The following RFESD variants were observed in gnomAD, a reference collection of about 807,000 sequenced individuals.
RFESD encodes Rieske Fe-S domain containing, also known as Rieske domain-containing protein.
RFESD carries 16 observed loss-of-function variants against 24.4 expected under a neutral mutation model. The ratio of observed to expected loss-of-function variants is 0.66; its 90% CI spans 0.44 to 1.00. The LOEUF is 1.00. Ranked by LOEUF, RFESD falls within the 50% of genes least tolerant of loss-of-function variation. The pLI is 0.00. For missense variants in RFESD, 208 were observed against 247.0 expected, an observed-to-expected ratio of 0.84 and a Z score of 1.06; for synonymous variants, 59 against 81.8, an observed-to-expected ratio of 0.72 and a Z score of 1.50.
chr5:95,649,926 C>A (rs1007384668), intron 1 of RFESD, among the ~76,000 whole-genome samples: 2 of 152,048 alleles, frequency 1.3e-5, no homozygotes, highest in East Asian at 3.9e-4. Flanking sequence ...ATTCCTTTGT[C>A]TGTTCCCATT....
chr5:95,656,087 A>C lies in RFESD; in HGVS notation c.411A>C (p.Lys137Asn). Residue 137 changes from lysine (K) to asparagine (N), a missense_variant, in exon 6 of 6, where the codon AAA becomes AAC. Transcript: ENST00000380005. ...CGTGTATAGTTTGCCCCTGGCATAA[A>C]TACAAAATTACTTTGGCAACAGGAG... is the stretch of plus-strand genomic sequence containing the variant. ...GRPCIVCPWH[K>N]YKITLATGEG... The C allele has an allele frequency of 6.2e-7, 1 of 1,613,730 alleles. No homozygotes were observed. The highest frequency in any genetic ancestry group is 1.1e-5 in the South Asian group (1 of 91,056).
At position 95,657,441 on chromosome 5, in the gene RFESD, G is replaced by C. The variant is rs906869329; in HGVS notation, c.*1132G>C. On this transcript the variant is annotated 3_prime_UTR_variant, in exon 6 of 6. Transcript: ENST00000380005. ...CAAAAATCACCACTATGTGGGACCA[G>C]AAATAGCTAAAATGAGTAGATGATG... 4 of 151,790 alleles carry C rather than the reference G, an allele frequency of 2.6e-5. No homozygotes were observed. Among genetic ancestry groups the C allele is most frequent in the Admixed American group, 1.3e-4 (2 of 15,222 alleles). 9.4% of individuals were successfully genotyped at this position (151,790 alleles called of 1,614,324 possible).
intron 1 of RFESD, chr5:95,648,108 C>T (rs1750178980): frequency 6.6e-6 from 1 of 152,124 alleles, no homozygotes; most frequent in African/African-American, 2.4e-5. Flanking sequence ...TCTTTTATCT[C>T]CCGTGTCTTG....
chr5:95,648,713 G>A (rs1750201222), intron 1 of RFESD, among the ~76,000 whole-genome samples: 1 of 151,982 alleles, frequency 6.6e-6, no homozygotes, highest in Non-Finnish European at 1.5e-5. Flanking sequence ...TATCAGTCCC[G>A]TAAAAGTTCA....
Position 95,652,173 on chromosome 5 carries a change from CAG to C in RFESD, c.-95_-94del. 11 of 1,420,570 alleles carry C rather than the reference CAG, an allele frequency of 7.7e-6. No individual in the cohort carries two copies. The highest frequency in any genetic ancestry group is 2.2e-4 in the Middle Eastern group (1 of 4,618). 88.0% of individuals were successfully genotyped at this position (1,420,570 alleles called of 1,614,324 possible). A position where few individuals can be genotyped will look rare whatever the true frequency, so the allele number is the denominator to read the frequency against. On this transcript the variant is annotated 5_prime_UTR_variant, in exon 2 of 6. Coordinates refer to ENST00000380005, the MANE Select transcript of RFESD (RefSeq NM_001131066.2). Reference sequence around the variant, plus strand: ...TTTGCAATTCAAGGAGAATATAAGACAGAGAAGAAAGCTGTGAATGAATTTCA... The same window carrying C: ...TTTGCAATTCAAGGAGAATATAAGACAGAAGAAAGCTGTGAATGAATTTCA...
intron 5 of RFESD, 72 bp from the exon 6 acceptor site, chr5:95,655,974 C>A: frequency 7.2e-7 from 1 of 1,387,294 alleles, no homozygotes; most frequent in Non-Finnish European, 9.9e-7. Context: ...GGTTCTTCTG[C>A]AGCAGACTCT....
In RFESD at chr5:95,654,351, A is replaced by C; in HGVS notation, c.353A>C (p.His118Pro). The C allele has an allele frequency of 4.4e-6, 7 of 1,606,388 alleles. No homozygotes were observed. The highest frequency in any genetic ancestry group is 6.0e-6 in the Non-Finnish European group (7 of 1,174,904). ...IRCYHSGGPL[H>P]LGDIEDFDGR... Reference sequence around the variant, plus strand: ...TTTTCAGACTCAGGAGGACCTTTACATTTGGGAGATATAGAGGTATGTAAA... The same window carrying C: ...TTTTCAGACTCAGGAGGACCTTTACCTTTGGGAGATATAGAGGTATGTAAA... Residue 118 changes from histidine to proline, a missense_variant, in exon 5 of 6, where the codon CAT becomes CCT. Coordinates refer to ENST00000380005, the MANE Select transcript of RFESD (RefSeq NM_001131066.2).
chr5:95,656,205 G>C lies in RFESD; in HGVS notation c.529G>C (p.Val177Leu). 6.2e-7 allele frequency: 1 copy of C among 1,614,010 alleles called. No individual in the cohort carries two copies. Among genetic ancestry groups the C allele is most frequent in the Non-Finnish European group, 8.5e-7 (1 of 1,179,884 alleles). ...GIKQRIHTVT[V>L]DNGNIYVTLS... is the part of the protein sequence containing the mutation. The stretch of plus-strand genomic sequence containing the variant: ...AAAGCAAAGGATTCACACAGTGACA[G>C]TAGACAACGGAAATATTTATGTGAC... The change falls in exon 6 of 6, where the codon GTA becomes CTA. Residue 177 changes from valine (V) to leucine (L), a missense_variant. Transcript: ENST00000380005.
rs1434381594 is a variant in RFESD, at chr5:95,657,904, G to A, written c.*1595G>A. 6.6e-6 allele frequency: 1 copy of A among 151,524 alleles called. No individual in the cohort carries two copies. Among genetic ancestry groups the A allele is most frequent in the Non-Finnish European group, 1.5e-5 (1 of 67,968 alleles). 9.4% of individuals were successfully genotyped at this position (151,524 alleles called of 1,614,324 possible). On this transcript the variant is annotated 3_prime_UTR_variant, in exon 6 of 6. Coordinates refer to ENST00000380005, the MANE Select transcript of RFESD (RefSeq NM_001131066.2). ...TTAACACATGTCCAGAATATAAAGT[G>A]TACAGAAGAAATCAAAGTACTTTCT...
chr5:95,655,390 T>C (rs1750684311), intron 5 of RFESD: 2 of 152,246 alleles, frequency 1.3e-5, no homozygotes, highest in South Asian at 4.1e-4. Context: ...TAATGAGAGC[T>C]TGAAGACCTT....
intron 1 of RFESD, chr5:95,647,482 G>A (rs1750154351): frequency 6.6e-6 from 1 of 152,192 alleles, no homozygotes. Context: ...AAATCACGCA[G>A]AACTGGGATG....
rs546723296 is a variant in RFESD, at chr5:95,655,948, C to T, written c.370-98C>T. 5 of 1,114,436 alleles carry T rather than the reference C, an allele frequency of 4.5e-6. No individual in the cohort carries two copies. In the African/African-American group the frequency reaches 7.9e-5, roughly 18 times the overall value. The allele number at this position is 1,114,436 out of a possible 1,614,324, so 69.0% of individuals were successfully genotyped here. ...ATAGGAGGAAAAAAAGAAAAGCTAA[C>T]CTGTTTTTTTAACCTGGTTCTTCTG... On this transcript the variant is annotated intron_variant, in intron 5 of 5. Coordinates refer to ENST00000380005, the MANE Select transcript of RFESD (RefSeq NM_001131066.2).
chr5:95,654,784 C>T (rs940731381), intron 5 of RFESD, among the ~76,000 whole-genome samples: 1 of 151,976 alleles, frequency 6.6e-6, no homozygotes, highest in East Asian at 1.9e-4. Flanking sequence ...CTGAAAAAAG[C>T]ACGTCATAGG....
chr5:95,650,163 T>C (rs1259567156), intron 1 of RFESD, among the ~76,000 whole-genome samples: 2 of 152,210 alleles, frequency 1.3e-5, no homozygotes, highest in Non-Finnish European at 2.9e-5. Flanking sequence ...TAATAAACTT[T>C]TGCTTTTTTA....
rs777616735 is a variant in RFESD at position 95,656,342 on chromosome 5, A to G, written c.*33A>G. On this transcript the variant is annotated 3_prime_UTR_variant, in exon 6 of 6. Coordinates refer to ENST00000380005, the MANE Select transcript of RFESD (RefSeq NM_001131066.2). ...TATATAGAAATGAAAAATGTTGTGT[A>G]TGCTTGAAAACATTTTTAGAATAAC... The G allele has an allele frequency of 2.6e-6, 4 of 1,528,486 alleles. No individual in the cohort carries two copies. Among genetic ancestry groups the G allele is most frequent in the Admixed American group, 1.9e-5 (1 of 53,598 alleles). The allele number at this position is 1,528,486 out of a possible 1,614,324, so 94.7% of individuals were successfully genotyped here. A position where few individuals can be genotyped will look rare whatever the true frequency, so the allele number is the denominator to read the frequency against.
chr5:95,648,727 G>T (rs1246807581), intron 1 of RFESD, among the ~76,000 whole-genome samples: 1 of 152,148 alleles, frequency 6.6e-6, no homozygotes, highest in Admixed American at 6.5e-5. Context: ...AAGTTCACCA[G>T]TTTGTCGGGT....
At chr5:95,649,174 G>A (rs1750217507) in intron 1 of RFESD, among the ~76,000 whole-genome samples, 1 of 152,016 alleles carries the variant, frequency 6.6e-6, no homozygotes, top group Admixed American at 6.6e-5. Flanking sequence ...TTTAAGAAAT[G>A]TTTATTATCC....
At chr5:95,650,218 C>T (rs893638369) in intron 1 of RFESD, among the ~76,000 whole-genome samples, 1 of 151,570 alleles carries the variant, frequency 6.6e-6, no homozygotes, top group Non-Finnish European at 1.5e-5. Context: ...ACTTTTCTAT[C>T]CCCCCCTTTA....
intron 3 of RFESD, among the ~76,000 whole-genome samples, chr5:95,653,626 C>T (rs1375732671): frequency 1.3e-5 from 2 of 152,192 alleles, no homozygotes; most frequent in Non-Finnish European, 2.9e-5. Context: ...TGGCCGGGCG[C>T]AGTGGCTCAC....
Sources: gnomAD v4.1 joint callset for allele counts (sites outside exome capture counted in the v4.1 genomes callset) on GRCh38, gnomAD v4.1.1 for gene constraint, MANE v1.5 for transcripts, NCBI Gene and HGNC (gene_info 2026-07-23, HGNC 2026-07-21) for gene names.